PRKAG2: variants seen among roughly 807,000 people sequenced by gnomAD.
PRKAG2 encodes the protein protein kinase AMP-activated non-catalytic subunit gamma 2, also known as 5'-AMP-activated protein kinase subunit gamma-2.
In PRKAG2, 26 loss-of-function variants were observed where a neutral mutation model predicts 69.6. The ratio of observed to expected loss-of-function variants is 0.37; its 90% CI spans 0.27 to 0.52. PRKAG2 has a LOEUF of 0.52. Ranked by LOEUF, PRKAG2 falls within the 20% of genes least tolerant of loss-of-function variation. PRKAG2 has a pLI of 0.90. For synonymous variants in PRKAG2, 293 were observed against 285.0 expected (o/e 1.03, Z -0.28); for missense variants, 557 against 740.0 (o/e 0.75, Z 2.87).
rs1585043099 is a variant in PRKAG2 at position 151,583,535 on chromosome 7, G to A, written c.865-7083C>T. ...TAAAACTTGGCTTTCTTAAGAACAC[G>A]TGCATGGAGCTGTTTATAAAGCAAT... On this transcript the variant is annotated intron_variant, in intron 6 of 15. Transcript: ENST00000287878. The surrounding 1 kb of genome is among the most constrained non-coding windows in gnomAD (Gnocchi z 4.1). Among the ~76,000 whole-genome samples, 1 of 152,286 alleles carries A rather than the reference G, an allele frequency of 6.6e-6. No homozygotes were observed.
At chr7:151,770,335 C>T (rs527924215) in intron 3 of PRKAG2, among the ~76,000 whole-genome samples, 1 of 152,210 alleles carries the variant, frequency 6.6e-6, no homozygotes, top group African/African-American at 2.4e-5. Context: ...TAAGTCTCCA[C>T]CCCAGCGTGA....
intron 1 of PRKAG2, among the ~76,000 whole-genome samples, chr7:151,855,301 C>CG (rs2079717583): frequency 1.2e-5 from 1 of 80,578 alleles, no homozygotes; most frequent in African/African-American, 5.5e-5. Context: ...CACACACCAC[C>CG]CTCCACACAC....
At chr7:151,749,928 C>T (rs1043983636) in intron 3 of PRKAG2, among the ~76,000 whole-genome samples, 11 of 151,826 alleles carry the variant, frequency 7.2e-5, no homozygotes, top group African/African-American at 2.4e-4. Context: ...GAAATCCCAT[C>T]TCCACTAAAC....
chr7:151,822,918 C>T (rs1308945226), intron 1 of PRKAG2, among the ~76,000 whole-genome samples: 3 of 152,220 alleles, frequency 2.0e-5, no homozygotes, highest in Admixed American at 2.0e-4. Context: ...AAGAAAACAA[C>T]CTCCAGCGAC....
intron 3 of PRKAG2, among the ~76,000 whole-genome samples, chr7:151,678,292 C>T (rs530091042): frequency 6.6e-6 from 1 of 152,320 alleles, no homozygotes; most frequent in Admixed American, 6.5e-5. Flanking sequence ...GGGGTCCTGC[C>T]ACTCCCTCTG....
rs549404919 is a variant in PRKAG2 at position 151,711,935 on chromosome 7, C to T, written c.467-36298G>A. On this transcript the variant is annotated intron_variant, in intron 3 of 15. Transcript: ENST00000287878. ...AGGTCCAGTGTTGGTGGCCTGCCACCGACTGGGTTTGGCACCATCACCCAG... is the reference window on the plus strand; with the variant it reads ...AGGTCCAGTGTTGGTGGCCTGCCACTGACTGGGTTTGGCACCATCACCCAG... 3.7e-3 allele frequency among the ~76,000 whole-genome samples: 557 copies of T among 152,326 alleles called. 5 individuals are homozygous for T. The highest frequency in any genetic ancestry group is 0.012 in the African/African-American group (503 of 41,580).
intron 3 of PRKAG2, among the ~76,000 whole-genome samples, chr7:151,737,448 G>A (rs1002527867): frequency 1.3e-5 from 2 of 152,138 alleles, no homozygotes; most frequent in Non-Finnish European, 2.9e-5. Flanking sequence ...GACTATGTCA[G>A]ACCAGTTAAA....
chr7:151,707,272 A>G (rs1838790541), intron 3 of PRKAG2, among the ~76,000 whole-genome samples: 1 of 152,208 alleles, frequency 6.6e-6, no homozygotes, highest in Non-Finnish European at 1.5e-5. Context: ...TGTCCCATTC[A>G]TTCAACAGGT....
chr7:151,588,410 G>A (rs988618141), intron 6 of PRKAG2, among the ~76,000 whole-genome samples: 1 of 151,612 alleles, frequency 6.6e-6, no homozygotes, highest in Non-Finnish European at 1.5e-5. Flanking sequence ...CGCCCAGGCT[G>A]GTGTGCAAGT....
intron 6 of PRKAG2, among the ~76,000 whole-genome samples, chr7:151,580,750 T>G (rs1195391929): frequency 6.8e-6 from 1 of 146,264 alleles, no homozygotes; most frequent in Non-Finnish European, 1.5e-5. Flanking sequence ...ACAACTGAAC[T>G]CATGGAAATA....
intron 4 of PRKAG2, among the ~76,000 whole-genome samples, chr7:151,656,888 G>A (rs1829500641): frequency 6.6e-6 from 1 of 152,080 alleles, no homozygotes; most frequent in Admixed American, 6.5e-5. Context: ...TGTAATTCCA[G>A]CACTTTGGGA....
At chr7:151,758,881 G>A (rs975964715) in intron 3 of PRKAG2, among the ~76,000 whole-genome samples, 1 of 152,146 alleles carries the variant, frequency 6.6e-6, no homozygotes, top group Admixed American at 6.5e-5. Context: ...TCTGTAGCGG[G>A]CAAGACTTGA....
Position 151,864,439 on chromosome 7 carries a change from T to C in PRKAG2, c.114+12068A>G, listed in dbSNP as rs543469901. Among the ~76,000 whole-genome samples the C allele has an allele frequency of 5.3e-5, 8 of 152,318 alleles. No individual in the cohort carries two copies. In the South Asian group the frequency reaches 1.7e-3, roughly 32 times the overall value. On this transcript the variant is annotated intron_variant, in intron 1 of 15. Coordinates refer to ENST00000287878, the MANE Select transcript of PRKAG2 (RefSeq NM_016203.4). ...GTTTCCCTTCTCCCAGGGGCTACCA[T>C]GCATCCTCTGCGCCACTTCCACACC...
rs1188169307 is a variant in PRKAG2 at position 151,780,592 on chromosome 7, C to A, written c.466+560G>T. On this transcript the variant is annotated intron_variant, in intron 3 of 15. Coordinates refer to ENST00000287878, the MANE Select transcript of PRKAG2 (RefSeq NM_016203.4). The surrounding 1 kb of genome is among the most constrained non-coding windows in gnomAD (Gnocchi z 4.2). ...CACTAATGAACCTACGGAACTCTTT[C>A]TTAAACACTCACATTTCCTCCTTCC... Among the ~76,000 whole-genome samples, 1 of 152,216 alleles carries A rather than the reference C, an allele frequency of 6.6e-6. No homozygotes were observed. Among genetic ancestry groups the A allele is most frequent in the Non-Finnish European group, 1.5e-5 (1 of 68,046 alleles).
At chr7:151,689,850 G>A (rs1029757185) in intron 3 of PRKAG2, among the ~76,000 whole-genome samples, 2 of 152,148 alleles carry the variant, frequency 1.3e-5, no homozygotes, top group African/African-American at 4.8e-5. Flanking sequence ...CTGCCCCAGA[G>A]CTCGTTTCCA....
intron 3 of PRKAG2, among the ~76,000 whole-genome samples, chr7:151,752,132 T>C (rs981653394): frequency 5.3e-5 from 8 of 152,136 alleles, no homozygotes; most frequent in African/African-American, 1.7e-4. Context: ...AACTTGATAA[T>C]GAAGACATGG....
chr7:151,689,558 C>A (rs1409014305), intron 3 of PRKAG2, among the ~76,000 whole-genome samples: 1 of 152,300 alleles, frequency 6.6e-6, no homozygotes, highest in Non-Finnish European at 1.5e-5. Context: ...CAGGAGAAGG[C>A]GGCAGAGGCG....
chr7:151,615,342 A>G (rs912598087), intron 5 of PRKAG2, among the ~76,000 whole-genome samples: 1 of 152,230 alleles, frequency 6.6e-6, no homozygotes, highest in African/African-American at 2.4e-5. Context: ...GGACATACAC[A>G]TGCATGTGCC....
chr7:151,672,804 C>T (rs544602996), intron 4 of PRKAG2, among the ~76,000 whole-genome samples: 1 of 152,182 alleles, frequency 6.6e-6, no homozygotes, highest in Non-Finnish European at 1.5e-5. Context: ...AAATCCCACT[C>T]GACTGCACAC....
Sources: gnomAD v4.1 joint callset for allele counts (sites outside exome capture counted in the v4.1 genomes callset) on GRCh38, gnomAD v4.1.1 for gene constraint, Gnocchi (gnomAD v3.1) non-coding constraint, MANE v1.5 for transcripts, NCBI Gene and HGNC (gene_info 2026-07-23, HGNC 2026-07-21) for gene names.